The following PSPC1 variants were observed in gnomAD, a reference collection of about 807,000 sequenced individuals.
PSPC1 encodes paraspeckle component 1, also known as paraspeckle protein 1.
Under a neutral mutation model 51.6 loss-of-function variants are expected in PSPC1, and 14 were observed. That is an observed-to-expected ratio of 0.27 (90% CI 0.18 to 0.42). PSPC1 has a LOEUF of 0.42. Ranked by LOEUF, PSPC1 falls within the 10% of genes least tolerant of loss-of-function variation. PSPC1 has a pLI of 1.00. For missense variants in PSPC1, 406 were observed against 701.1 expected (o/e 0.58, Z 4.75); for synonymous variants, 193 against 231.9 (o/e 0.83, Z 1.53).
At chr13:19,780,168 C>T (rs1889779467) in intron 1 of PSPC1, among the ~76,000 whole-genome samples, 1 of 105,636 alleles carries the variant, frequency 9.5e-6, no homozygotes, top group Non-Finnish European at 2.1e-5. Flanking sequence ...GGCCAGCCGC[C>T]CCGTCCGGGA....
chr13:19,776,001 C>T (rs747772406), intron 1 of PSPC1, among the ~76,000 whole-genome samples: 6 of 151,438 alleles, frequency 4.0e-5, no homozygotes. Context: ...CAGTGAGCCG[C>T]GATCGCACCA....
chr13:19,763,509 G>A (rs953608181), intron 2 of PSPC1, among the ~76,000 whole-genome samples: 4 of 152,136 alleles, frequency 2.6e-5, no homozygotes, highest in East Asian at 1.9e-4. Context: ...GAGAGGCTTC[G>A]GGACTGAGGC....
At chr13:19,755,697 C>T (rs1279208466) in intron 3 of PSPC1, among the ~76,000 whole-genome samples, 1 of 152,080 alleles carries the variant, frequency 6.6e-6, no homozygotes, top group African/African-American at 2.4e-5. Context: ...ATGGTTCTTC[C>T]CCCTATTCCA....
intron 6 of PSPC1, among the ~76,000 whole-genome samples, chr13:19,722,427 GAGTT>G (rs1271237411): frequency 1.3e-5 from 2 of 151,982 alleles, no homozygotes; most frequent in African/African-American, 2.4e-5. Flanking sequence ...TTAAGCTGAG[GAGTT>G]CAAGGTCACA....
intron 5 of PSPC1, among the ~76,000 whole-genome samples, chr13:19,738,011 G>C (rs932195547): frequency 6.6e-6 from 1 of 152,086 alleles, no homozygotes; most frequent in Admixed American, 6.6e-5. Flanking sequence ...GATTGTTTGA[G>C]CTCAGGAGTT....
chr13:19,756,109 C>T (rs1593723415), intron 3 of PSPC1, among the ~76,000 whole-genome samples: 4 of 151,874 alleles, frequency 2.6e-5, no homozygotes, highest in Admixed American at 1.3e-4. Flanking sequence ...TGGTGGTGCA[C>T]GCCTGTAATC....
chr13:19,688,836 T>G (rs1878229147), intron 6 of PSPC1, among the ~76,000 whole-genome samples: 1 of 152,026 alleles, frequency 6.6e-6, no homozygotes, highest in Non-Finnish European at 1.5e-5. Flanking sequence ...TATAGATTGT[T>G]TAGAAACCAT....
At chr13:19,700,742 A>G (rs985942347), downstream of PSPC1, among the ~76,000 whole-genome samples, 1 of 152,130 alleles carries the variant, frequency 6.6e-6, no homozygotes, top group Non-Finnish European at 1.5e-5. Flanking sequence ...TAATATTGTT[A>G]TATATTAAAA....
chr13:19,684,157 C>CA (rs1429077846), intron 6 of PSPC1, among the ~76,000 whole-genome samples: 1 of 152,158 alleles, frequency 6.6e-6, no homozygotes, highest in Non-Finnish European at 1.5e-5. Context: ...CAAATCCCTA[C>CA]AAAGGCATCT....
chr13:19,713,760 A>C (rs1239707431), intron 6 of PSPC1, among the ~76,000 whole-genome samples: 1 of 152,188 alleles, frequency 6.6e-6, no homozygotes. Context: ...ACATGTCAAA[A>C]GAGCATTCCA....
chr13:19,761,326 T>G (rs921261097), intron 2 of PSPC1, among the ~76,000 whole-genome samples: 3 of 151,670 alleles, frequency 2.0e-5, no homozygotes, highest in Non-Finnish European at 4.4e-5. Context: ...AAAAGGAGAG[T>G]TCATGGAGGG....
At chr13:19,691,347 A>T (rs561363849) in intron 6 of PSPC1, among the ~76,000 whole-genome samples, 7 of 151,924 alleles carry the variant, frequency 4.6e-5, no homozygotes, top group Non-Finnish European at 7.4e-5. Flanking sequence ...TGGGCAACAC[A>T]GTGAGACCCT....
intron 6 of PSPC1, among the ~76,000 whole-genome samples, chr13:19,717,044 A>T (rs944468653): frequency 6.6e-6 from 1 of 151,300 alleles, no homozygotes; most frequent in Non-Finnish European, 1.5e-5. Flanking sequence ...TTGGCGACAC[A>T]GCAAGACTGC....
chr13:19,696,731 T>C (rs1456349735), intron 6 of PSPC1, among the ~76,000 whole-genome samples: 3 of 152,230 alleles, frequency 2.0e-5, no homozygotes, highest in African/African-American at 7.2e-5. Context: ...GACAGTTTTC[T>C]AGCACCTTCA....
chr13:19,688,005 C>T (rs1477286815), intron 6 of PSPC1, among the ~76,000 whole-genome samples: 1 of 152,020 alleles, frequency 6.6e-6, no homozygotes, highest in Non-Finnish European at 1.5e-5. Flanking sequence ...ATCGTATCTA[C>T]TCCCCGAAAC....
In PSPC1 at chr13:19,702,788, T is replaced by C. The variant is rs541001620; in HGVS notation, c.*387A>G. 3 of 167,566 alleles carry C rather than the reference T, an allele frequency of 1.8e-5. No homozygotes were observed. Among genetic ancestry groups the C allele is most frequent in the Admixed American group, 1.1e-4 (2 of 17,588 alleles). 10.4% of individuals were successfully genotyped at this position (167,566 alleles called of 1,614,324 possible). On this transcript the variant is annotated 3_prime_UTR_variant, in exon 9 of 9. Coordinates refer to ENST00000338910, the MANE Select transcript of PSPC1 (RefSeq NM_001354909.2). Reference sequence around the variant, plus strand: ...GCAAAATCATTTTCATTTTTAATGATAGGATTAGTTAAAGCAACCAAAGCA... The same window carrying C: ...GCAAAATCATTTTCATTTTTAATGACAGGATTAGTTAAAGCAACCAAAGCA...
intron 3 of PSPC1, among the ~76,000 whole-genome samples, chr13:19,754,716 A>C (rs1886902518): frequency 6.6e-6 from 1 of 152,348 alleles, no homozygotes; most frequent in African/African-American, 2.4e-5. Flanking sequence ...CTGGGATTAC[A>C]GGCGTGAGCC....
chr13:19,776,580 T>G (rs1426755737), intron 1 of PSPC1, among the ~76,000 whole-genome samples: 1 of 151,766 alleles, frequency 6.6e-6, no homozygotes, highest in Non-Finnish European at 1.5e-5. Flanking sequence ...CTGCGCAATC[T>G]CACTGCAAGC....
chr13:19,743,703 T>A (rs923074173), intron 4 of PSPC1, among the ~76,000 whole-genome samples: 2 of 152,210 alleles, frequency 1.3e-5, no homozygotes, highest in African/African-American at 4.8e-5. Flanking sequence ...GTTCTCATAA[T>A]AGGCCCATAG....
Sources: gnomAD v4.1 joint callset for allele counts (sites outside exome capture counted in the v4.1 genomes callset) on GRCh38, gnomAD v4.1.1 for gene constraint, MANE v1.5 for transcripts, NCBI Gene and HGNC (gene_info 2026-07-23, HGNC 2026-07-21) for gene names.